Variants in GRIN2A observed in about 807,000 individuals in gnomAD.
GRIN2A encodes the protein glutamate ionotropic receptor NMDA type subunit 2A.
Under a neutral mutation model 113.4 loss-of-function variants are expected in GRIN2A, and 22 were observed. That is an observed-to-expected ratio of 0.19 (90% confidence interval 0.14 to 0.28). The LOEUF is 0.28. Among genes scored for constraint, GRIN2A ranks in the 10% least tolerant of loss-of-function variants. The pLI is 1.00. For missense variants in GRIN2A, 1,502 were observed against 1,887.0 expected (o/e 0.80, Z 3.78); for synonymous variants, 827 against 738.4 (o/e 1.12, Z -1.94).
chr16:9,917,434 A>G (rs958500894), intron 3 of GRIN2A, among the ~76,000 whole-genome samples: 9 of 152,206 alleles, frequency 5.9e-5, no homozygotes, highest in African/African-American at 2.2e-4. Context: ...CTGTCCACTA[A>G]CAATGTGACC....
At chr16:10,105,971 T>TAA (rs2048493019) in intron 2 of GRIN2A, among the ~76,000 whole-genome samples, 1 of 152,072 alleles carries the variant, frequency 6.6e-6, no homozygotes, top group Non-Finnish European at 1.5e-5. Context: ...TGCAAAGGTA[T>TAA]ATGTATATGC....
At chr16:9,864,265 C>A (rs2043123403) in intron 4 of GRIN2A, among the ~76,000 whole-genome samples, 1 of 152,034 alleles carries the variant, frequency 6.6e-6, no homozygotes, top group African/African-American at 2.4e-5. Flanking sequence ...TTTCCCTCAG[C>A]AAACTTGCCA....
At chr16:10,153,940 C>G (rs577146463) in intron 2 of GRIN2A, among the ~76,000 whole-genome samples, 1 of 152,236 alleles carries the variant, frequency 6.6e-6, no homozygotes, top group South Asian at 2.1e-4. Context: ...CCTCCTCCCA[C>G]GTATTCACAA....
In GRIN2A at chr16:9,753,508, A is replaced by T. The variant is rs1277713667; in HGVS notation, c.*9641T>A. 1 of 203,614 alleles carries T rather than the reference A, an allele frequency of 4.9e-6. No individual in the cohort carries two copies. The highest frequency in any genetic ancestry group is 1.0e-5 in the Non-Finnish European group (1 of 99,318). The allele number at this position is 203,614 out of a possible 1,614,324, so 12.6% of individuals were successfully genotyped here. ...TATGACCGGGCACTTCTGTTGCCTC[A>T]GGAGTTATATACATATCAGTTTGCA... On this transcript the variant is annotated 3_prime_UTR_variant, in exon 13 of 13. Coordinates refer to ENST00000330684, the MANE Select transcript of GRIN2A (RefSeq NM_001134407.3).
intron 3 of GRIN2A, among the ~76,000 whole-genome samples, chr16:9,916,929 A>G (rs1425539787): frequency 6.6e-6 from 1 of 152,168 alleles, no homozygotes; most frequent in Non-Finnish European, 1.5e-5. Context: ...CAAACACCCA[A>G]CTTTCCCTTT....
chr16:10,097,141 C>T (rs564894736), intron 2 of GRIN2A, among the ~76,000 whole-genome samples: 2 of 152,278 alleles, frequency 1.3e-5, no homozygotes, highest in South Asian at 4.2e-4. Flanking sequence ...GAGATCAGGC[C>T]TCAGGCTCTG....
At chr16:9,770,197 A>C (rs999333408) in intron 11 of GRIN2A, among the ~76,000 whole-genome samples, 6 of 141,828 alleles carry the variant, frequency 4.2e-5, no homozygotes, top group Non-Finnish European at 9.2e-5. Context: ...AGCCTTTAAA[A>C]ATGATCTTTC....
chr16:9,809,040 A>G (rs1332326946), intron 10 of GRIN2A, among the ~76,000 whole-genome samples: 1 of 152,222 alleles, frequency 6.6e-6, no homozygotes, highest in Non-Finnish European at 1.5e-5. Flanking sequence ...CATATCGTTC[A>G]CTGAAAACCA....
In GRIN2A at chr16:9,761,175, C is replaced by T. The variant is rs1407468663; in HGVS notation, c.*1974G>A. ...TTGCAACCACTTTTCATTATAGGAA[C>T]ACTGTAGGTCAGGTGTACTTTCCCA... On this transcript the variant is annotated 3_prime_UTR_variant, in exon 13 of 13. Coordinates refer to ENST00000330684, the MANE Select transcript of GRIN2A (RefSeq NM_001134407.3). 2.6e-5 allele frequency: 6 copies of T among 232,156 alleles called. No homozygotes were observed. Among genetic ancestry groups the T allele is most frequent in the Non-Finnish European group, 5.1e-5 (6 of 117,462 alleles). The allele number at this position is 232,156 out of a possible 1,614,324, so 14.4% of individuals were successfully genotyped here.
At chr16:10,027,221 A>T (rs887991733) in intron 2 of GRIN2A, among the ~76,000 whole-genome samples, 5 of 152,218 alleles carry the variant, frequency 3.3e-5, no homozygotes, top group African/African-American at 1.2e-4. Context: ...ATCCACATAA[A>T]GTGTAAGGGA....
intron 3 of GRIN2A, among the ~76,000 whole-genome samples, chr16:9,912,022 A>T (rs2044150634): frequency 6.6e-6 from 1 of 152,200 alleles, no homozygotes; most frequent in South Asian, 2.1e-4. Flanking sequence ...TGGGAGGATT[A>T]AATGAGTTAG....
chr16:10,054,237 A>G (rs1048510219), intron 2 of GRIN2A, among the ~76,000 whole-genome samples: 2 of 152,228 alleles, frequency 1.3e-5, no homozygotes, highest in African/African-American at 4.8e-5. Flanking sequence ...ATCTTCTGAC[A>G]TGACTGTTCA....
chr16:9,834,089 A>C lies in GRIN2A; in HGVS notation c.1777+16T>G. 7 of 1,611,328 alleles carry C rather than the reference A, an allele frequency of 4.3e-6. No homozygotes were observed. Among genetic ancestry groups the C allele is most frequent in the Non-Finnish European group, 5.9e-6 (7 of 1,177,426 alleles). ...ATTGCAACAACATTGAATCATGCTC[A>C]TGAAGGTACCCTTACCTTTCCCTTT... On this transcript the variant is annotated intron_variant, in intron 8 of 12. Coordinates refer to ENST00000330684, the MANE Select transcript of GRIN2A (RefSeq NM_001134407.3).
intron 3 of GRIN2A, among the ~76,000 whole-genome samples, chr16:9,932,668 C>T (rs150268399): frequency 1.8e-3 from 280 of 152,218 alleles, no homozygotes; most frequent in Middle Eastern, 6.8e-3. Context: ...CAAGTATGAG[C>T]CACCACGCCC....
chr16:9,960,410 A>C (rs996512029), intron 2 of GRIN2A, among the ~76,000 whole-genome samples: 2 of 152,220 alleles, frequency 1.3e-5, no homozygotes, highest in Admixed American at 1.3e-4. Flanking sequence ...GGGTTGTAGC[A>C]TATGGATGCC....
chr16:9,926,710 G>A (rs897071448), intron 3 of GRIN2A, among the ~76,000 whole-genome samples: 3 of 152,134 alleles, frequency 2.0e-5, no homozygotes, highest in African/African-American at 7.2e-5. Flanking sequence ...GAGGTAACAT[G>A]GATAAATAAA....
chr16:9,924,815 G>A (rs1178363695), intron 3 of GRIN2A, among the ~76,000 whole-genome samples: 2 of 152,016 alleles, frequency 1.3e-5, no homozygotes, highest in African/African-American at 2.4e-5. Flanking sequence ...TCCATCCAGT[G>A]TAGTTTTTAT....
intron 8 of GRIN2A, among the ~76,000 whole-genome samples, chr16:9,833,214 G>C (rs2042527649): frequency 1.3e-5 from 2 of 152,154 alleles, no homozygotes; most frequent in African/African-American, 4.8e-5. Flanking sequence ...GCTAACGAAT[G>C]CCTCCCAATT....
intron 4 of GRIN2A, among the ~76,000 whole-genome samples, chr16:9,882,723 G>A (rs756101039): frequency 1.2e-4 from 18 of 152,130 alleles, no homozygotes; most frequent in Non-Finnish European, 2.4e-4. Context: ...GGAATTTGAG[G>A]CTGTAGTGGG....
Sources: gnomAD v4.1 joint callset for allele counts (sites outside exome capture counted in the v4.1 genomes callset) on GRCh38, gnomAD v4.1.1 for gene constraint, MANE v1.5 for transcripts, NCBI Gene and HGNC (gene_info 2026-07-23, HGNC 2026-07-21) for gene names.